The following ENTHD1 variants were observed in gnomAD, a reference collection of about 807,000 sequenced individuals.
The protein encoded by ENTHD1 is ENTH domain containing 1, also known as ENTH domain-containing protein 1.
Under a neutral mutation model 39.1 loss-of-function variants are expected in ENTHD1, and 23 were observed. That is an observed-to-expected ratio of 0.59 (90% CI 0.42 to 0.83). The LOEUF (loss-of-function observed/expected upper bound fraction) is 0.83, where lower values mean the gene tolerates loss of function less well. Ranked by LOEUF, ENTHD1 falls within the 40% of genes least tolerant of loss-of-function variation. The probability of loss-of-function intolerance (pLI) is 0.00; values close to 1 mark genes in which losing one functional copy is unlikely to be tolerated. For missense variants in ENTHD1, 624 were observed against 705.4 expected, an observed-to-expected ratio of 0.88 and a Z score of 1.31; for synonymous variants, 230 against 258.2, an observed-to-expected ratio of 0.89 and a Z score of 1.05.
intron 6 of ENTHD1, among the ~76,000 whole-genome samples, chr22:39,755,850 T>C (rs2065180426): frequency 6.6e-6 from 1 of 152,204 alleles, no homozygotes; most frequent in South Asian, 2.1e-4. Context: ...CTCAATGTGG[T>C]AGTTCCATCA....
intron 5 of ENTHD1, among the ~76,000 whole-genome samples, chr22:39,815,089 T>G (rs1479806295): frequency 6.6e-6 from 1 of 152,164 alleles, no homozygotes. Context: ...ACACGTCAGA[T>G]GAGGAAACAT....
At chr22:39,771,350 G>A (rs2065322340) in intron 5 of ENTHD1, among the ~76,000 whole-genome samples, 1 of 152,094 alleles carries the variant, frequency 6.6e-6, no homozygotes, top group African/African-American at 2.4e-5. Flanking sequence ...TTGCTACCCT[G>A]AATCCAGCCA....
At chr22:39,750,289 GA>G (rs1249011083) in intron 6 of ENTHD1, 2 of 178,688 alleles carry the variant, frequency 1.1e-5, no homozygotes, top group Non-Finnish European at 2.5e-5. Context: ...TGTAGACTCT[GA>G]TAATTCTGAA....
chr22:39,804,446 C>A (rs1294333809), intron 5 of ENTHD1, among the ~76,000 whole-genome samples: 6 of 138,896 alleles, frequency 4.3e-5, no homozygotes, highest in Non-Finnish European at 6.1e-5. Context: ...GACAAAGACT[C>A]TGTCTCAAAA....
At chr22:39,777,816 A>C (rs1569135995) in intron 5 of ENTHD1, among the ~76,000 whole-genome samples, 2 of 152,228 alleles carry the variant, frequency 1.3e-5, no homozygotes, top group Non-Finnish European at 2.9e-5. Context: ...TCAATAGATT[A>C]TAGTTATAAA....
At chr22:39,843,261 C>T (rs1260029540) in intron 3 of ENTHD1, among the ~76,000 whole-genome samples, 1 of 151,974 alleles carries the variant, frequency 6.6e-6, no homozygotes, top group African/African-American at 2.4e-5. Flanking sequence ...ACATATACAC[C>T]ATGGAATACT....
chr22:39,785,505 C>G (rs546712732), intron 5 of ENTHD1, among the ~76,000 whole-genome samples: 1 of 152,208 alleles, frequency 6.6e-6, no homozygotes, highest in Non-Finnish European at 1.5e-5. Context: ...AAAGAGACAA[C>G]TATCTCTCTT....
At chr22:39,842,141 C>G (rs2065949106) in intron 3 of ENTHD1, among the ~76,000 whole-genome samples, 1 of 151,226 alleles carries the variant, frequency 6.6e-6, no homozygotes, top group African/African-American at 2.4e-5. Flanking sequence ...TGAGGGTAAC[C>G]CAACCTTTCT....
intron 6 of ENTHD1, among the ~76,000 whole-genome samples, chr22:39,745,969 A>T (rs1256981545): frequency 1.3e-5 from 2 of 152,164 alleles, no homozygotes; most frequent in East Asian, 3.8e-4. Context: ...TTTGTTTCAG[A>T]GGGTTTGGAA....
rs566055520 is a variant in ENTHD1 at position 39,878,203 on chromosome 22, G to C, written c.349+9197C>G. Among the ~76,000 whole-genome samples the C allele has an allele frequency of 2.0e-3, 304 of 152,296 alleles. 2 individuals carry two copies. Among genetic ancestry groups the C allele is most frequent in the Middle Eastern group, 0.014 (4 of 294 alleles). ...GCTTTCTGGGAGACTGGACACAGCTGAGGAAAGAATCTTTGAGCTGGAGGA... is the reference window on the plus strand; with the variant it reads ...GCTTTCTGGGAGACTGGACACAGCTCAGGAAAGAATCTTTGAGCTGGAGGA... On this transcript the variant is annotated intron_variant, in intron 2 of 6. Coordinates refer to ENST00000325157, the MANE Select transcript of ENTHD1 (RefSeq NM_152512.4).
chr22:39,799,854 T>C (rs142317199), intron 5 of ENTHD1, among the ~76,000 whole-genome samples: 3 of 152,334 alleles, frequency 2.0e-5, no homozygotes, highest in African/African-American at 7.2e-5. Flanking sequence ...GGTCCAACAG[T>C]GGCACACTGC....
chr22:39,792,041 A>G (rs2065508422), intron 5 of ENTHD1, among the ~76,000 whole-genome samples: 1 of 152,086 alleles, frequency 6.6e-6, no homozygotes, highest in East Asian at 1.9e-4. Flanking sequence ...CCCAGCTCCA[A>G]CCATGTTCCT....
At chr22:39,823,785 A>T (rs893025449) in intron 4 of ENTHD1, among the ~76,000 whole-genome samples, 10 of 152,334 alleles carry the variant, frequency 6.6e-5, no homozygotes, top group Admixed American at 2.0e-4. Context: ...TACCAGTAAT[A>T]TATTCGTGTT....
intron 5 of ENTHD1, among the ~76,000 whole-genome samples, chr22:39,805,322 G>A (rs551243267): frequency 6.6e-6 from 1 of 152,322 alleles, no homozygotes; most frequent in South Asian, 2.1e-4. Flanking sequence ...GGAGTTGGGA[G>A]GGTGTGGGAA....
intron 3 of ENTHD1, among the ~76,000 whole-genome samples, chr22:39,845,424 G>A (rs149200902): frequency 2.3e-3 from 348 of 152,276 alleles, no homozygotes; most frequent in Admixed American, 3.6e-3. Context: ...AGCTGCCTAA[G>A]CATCAGCAAG....
intron 5 of ENTHD1, among the ~76,000 whole-genome samples, chr22:39,793,346 T>A (rs2065520742): frequency 6.6e-6 from 1 of 151,814 alleles, no homozygotes; most frequent in Non-Finnish European, 1.5e-5. Context: ...TAGTTGTTTT[T>A]TTTTTTTTTG....
At position 39,747,411 on chromosome 22, in the gene ENTHD1, A is replaced by G. The variant is rs145124877; in HGVS notation, c.1220-3128T>C. Among the ~76,000 whole-genome samples, 64 of 152,326 alleles carry G rather than the reference A, an allele frequency of 4.2e-4. 1 individual carries two copies. Among genetic ancestry groups the G allele is most frequent in the African/African-American group, 1.5e-3 (63 of 41,568 alleles). On this transcript the variant is annotated intron_variant, in intron 6 of 6. Transcript: ENST00000325157. ...ATCTTTCCCAAGACCACAAGGCTAG[A>G]AAAGGGGAAAGATGGGATTCAAATT...
chr22:39,748,757 T>G (rs2065126787), intron 6 of ENTHD1, among the ~76,000 whole-genome samples: 1 of 152,142 alleles, frequency 6.6e-6, no homozygotes, highest in South Asian at 2.1e-4. Flanking sequence ...GATACGCAGT[T>G]AGGTTAGTCA....
chr22:39,787,141 CT>C (rs2065465404), intron 5 of ENTHD1, among the ~76,000 whole-genome samples: 1 of 152,048 alleles, frequency 6.6e-6, no homozygotes, highest in African/African-American at 2.4e-5. Flanking sequence ...CCTTAGATTC[CT>C]TAGATTTTTC....
Sources: gnomAD v4.1 joint callset for allele counts (sites outside exome capture counted in the v4.1 genomes callset) on GRCh38, gnomAD v4.1.1 for gene constraint, MANE v1.5 for transcripts, NCBI Gene and HGNC (gene_info 2026-07-23, HGNC 2026-07-21) for gene names.